Variants in LRRC7 observed in about 807,000 individuals in gnomAD.
LRRC7 encodes the protein leucine rich repeat containing 7.
LRRC7 carries 23 observed loss-of-function variants against 175.7 expected under a neutral mutation model. That is an observed-to-expected ratio of 0.13 (90% CI 0.09 to 0.19). The LOEUF (loss-of-function observed/expected upper bound fraction) is 0.19. Among genes scored for constraint, LRRC7 ranks in the 10% least tolerant of loss-of-function variants. LRRC7 has a pLI of 1.00. For synonymous variants in LRRC7, 685 were observed against 680.9 expected (o/e 1.01, Z -0.09); for missense variants, 1,354 against 1,904.7 (o/e 0.71, Z 5.38).
intron 23 of LRRC7, among the ~76,000 whole-genome samples, chr1:70,073,494 A>G (rs547971745): frequency 6.6e-6 from 1 of 152,314 alleles, no homozygotes; most frequent in African/African-American, 2.4e-5. Context: ...AAAGGCTACT[A>G]TAGTTCTCCA....
At chr1:69,704,729 CTATT>C (rs1018669124) in intron 2 of LRRC7, among the ~76,000 whole-genome samples, 19 of 151,990 alleles carry the variant, frequency 1.3e-4, no homozygotes, top group South Asian at 2.1e-4. Flanking sequence ...TACATTGTAT[CTATT>C]TATTAAGCAC....
intron 22 of LRRC7, among the ~76,000 whole-genome samples, chr1:70,045,118 T>C (rs1485027455): frequency 2.0e-5 from 3 of 151,874 alleles, no homozygotes; most frequent in Admixed American, 6.6e-5. Flanking sequence ...GTGAGTAGAA[T>C]AACAAAATCA....
chr1:70,082,724 A>G (rs979160011), intron 24 of LRRC7, among the ~76,000 whole-genome samples: 3 of 149,958 alleles, frequency 2.0e-5, no homozygotes, highest in African/African-American at 7.3e-5. Flanking sequence ...ATTTTTTCTG[A>G]AAGACCTAGA....
intron 1 of LRRC7, among the ~76,000 whole-genome samples, chr1:69,613,607 A>G (rs1307542180): frequency 6.6e-6 from 1 of 152,062 alleles, no homozygotes; most frequent in Non-Finnish European, 1.5e-5. Flanking sequence ...TGATGAGGTC[A>G]GAGAGAGCAT....
At chr1:69,770,992 G>A (rs906706941) in intron 3 of LRRC7, among the ~76,000 whole-genome samples, 2 of 152,038 alleles carry the variant, frequency 1.3e-5, no homozygotes, top group Non-Finnish European at 2.9e-5. Flanking sequence ...AACTAACAAG[G>A]CTGCATGATT....
intron 2 of LRRC7, among the ~76,000 whole-genome samples, chr1:69,687,714 T>C (rs1421771856): frequency 4.5e-5 from 5 of 110,366 alleles, no homozygotes; most frequent in Admixed American, 1.7e-4. Context: ...TTTTGGTCCC[T>C]TTTTTTTACC....
In LRRC7 at chr1:70,039,292, C is replaced by A; in HGVS notation, c.3468C>A (p.Ser1156=). Residue 1156 remains serine, a synonymous_variant, in exon 21 of 27, where the codon TCC becomes TCA. Transcript: ENST00000651989. The part of the protein sequence containing the change: ...ARAGFLRRAD[S]LVSATEMAMF... ...CGGGCTTCCTGAGAAGGGCCGACTC[C>A]CTGGTGAGCGCCACAGAAATGGCCA... 6.2e-7 allele frequency: 1 copy of A among 1,614,014 alleles called. No homozygotes were observed. Among genetic ancestry groups the A allele is most frequent in the Non-Finnish European group, 8.5e-7 (1 of 1,179,986 alleles).
At chr1:70,050,529 C>G (rs1660669394) in intron 22 of LRRC7, among the ~76,000 whole-genome samples, 1 of 152,012 alleles carries the variant, frequency 6.6e-6, no homozygotes, top group Non-Finnish European at 1.5e-5. Flanking sequence ...GAAAATAAAA[C>G]TCATTCTTAC....
intron 8 of LRRC7, among the ~76,000 whole-genome samples, chr1:69,939,348 G>A (rs1321130052): frequency 6.6e-6 from 1 of 151,886 alleles, no homozygotes; most frequent in Non-Finnish European, 1.5e-5. Context: ...GACATGAAGA[G>A]GCTGATTCTA....
intron 2 of LRRC7, among the ~76,000 whole-genome samples, chr1:69,729,734 T>A (rs1325607545): frequency 6.6e-6 from 1 of 152,174 alleles, no homozygotes; most frequent in Admixed American, 6.5e-5. Flanking sequence ...GTGGATCTAC[T>A]GTTCTGGGGT....
chr1:69,590,709 A>G (rs1396564932), intron 1 of LRRC7, among the ~76,000 whole-genome samples: 1 of 152,162 alleles, frequency 6.6e-6, no homozygotes, highest in Admixed American at 6.5e-5. Flanking sequence ...TGCCAGCCAT[A>G]GGCTAATTGC....
chr1:70,026,835 A>C (rs1256252915), intron 17 of LRRC7, among the ~76,000 whole-genome samples: 1 of 152,172 alleles, frequency 6.6e-6, no homozygotes, highest in Admixed American at 6.6e-5. Context: ...GTCCAATTCT[A>C]GTATTTGATG....
chr1:69,608,166 A>G (rs1360438198), intron 1 of LRRC7: 2 of 152,432 alleles, frequency 1.3e-5, no homozygotes, highest in Non-Finnish European at 1.5e-5. Context: ...AATAATATAC[A>G]AGTGTCGGTG....
chr1:69,905,736 A>C lies in LRRC7; in HGVS notation c.648-25771A>C, dbSNP rs574987961. Among the ~76,000 whole-genome samples, 4 of 152,334 alleles carry C rather than the reference A, an allele frequency of 2.6e-5. No homozygotes were observed. The East Asian group carries it at 7.7e-4, about 29-fold the overall frequency. ...TAAACATACATGTGCATGTGTCTTT[A>C]TAGCAGCATGGTTTATAGTCCTTTG... On this transcript the variant is annotated intron_variant, in intron 7 of 26. Coordinates refer to ENST00000651989, the MANE Select transcript of LRRC7 (RefSeq NM_001370785.2).
chr1:69,975,991 T>A (rs1190118421), intron 8 of LRRC7, among the ~76,000 whole-genome samples: 1 of 152,116 alleles, frequency 6.6e-6, no homozygotes, highest in Non-Finnish European at 1.5e-5. Flanking sequence ...CAGTTTTTTT[T>A]ATAGCCCCTT....
intron 2 of LRRC7, among the ~76,000 whole-genome samples, chr1:69,717,970 AAAGAGAAAGAAAGAGGAGG>A (rs1665795581): frequency 1.1e-5 from 1 of 93,318 alleles, no homozygotes; most frequent in Non-Finnish European, 2.5e-5. Context: ...AAAAAGAAAG[AAAGAGAAAGAAAGAGGAGG>A]GAGAGAAAGA....
In LRRC7 at chr1:69,650,546, A is replaced by C. The variant is rs545661729; in HGVS notation, c.3-27835A>C. ...AAAAGAGAGACTCCGTCTCAAAAAA[A>C]AAAAAAAATGCCAAGCATCTTTGGC... On this transcript the variant is annotated intron_variant, in intron 1 of 26. Coordinates refer to ENST00000651989, the MANE Select transcript of LRRC7 (RefSeq NM_001370785.2). Among the ~76,000 whole-genome samples, 377 of 151,006 alleles carry C rather than the reference A, an allele frequency of 2.5e-3. 19 individuals are homozygous for C. Among genetic ancestry groups the C allele is most frequent in the African/African-American group, 8.7e-3 (357 of 41,130 alleles).
intron 23 of LRRC7, among the ~76,000 whole-genome samples, chr1:70,064,886 A>G (rs1312705864): frequency 6.6e-6 from 1 of 152,010 alleles, no homozygotes; most frequent in Non-Finnish European, 1.5e-5. Flanking sequence ...TAGGAGCACT[A>G]AGCACAACTT....
At chr1:69,588,870 G>A (rs1463462829) in intron 1 of LRRC7, among the ~76,000 whole-genome samples, 1 of 151,964 alleles carries the variant, frequency 6.6e-6, no homozygotes, top group African/African-American at 2.4e-5. Flanking sequence ...CCTAATTTCT[G>A]TACTTGTTAA....
Sources: gnomAD v4.1 joint callset for allele counts (sites outside exome capture counted in the v4.1 genomes callset) on GRCh38, gnomAD v4.1.1 for gene constraint, MANE v1.5 for transcripts, NCBI Gene and HGNC (gene_info 2026-07-23, HGNC 2026-07-21) for gene names.